ZRANB2: variants seen among roughly 807,000 people sequenced by gnomAD.
ZRANB2 encodes the protein zinc finger Ran-binding domain-containing protein 2.
ZRANB2 carries 19 observed loss-of-function variants against 53.4 expected under a neutral mutation model. The ratio of observed to expected loss-of-function variants is 0.36; its 90% CI spans 0.25 to 0.52. The LOEUF (loss-of-function observed/expected upper bound fraction) is 0.52. Among genes scored for constraint, ZRANB2 ranks in the 20% least tolerant of loss-of-function variants. The probability of loss-of-function intolerance (pLI) is 0.93; values close to 1 mark genes in which losing one functional copy is unlikely to be tolerated. For synonymous variants in ZRANB2, 145 were observed against 134.8 expected (o/e 1.08, Z -0.52); for missense variants, 309 against 401.1 (o/e 0.77, Z 1.96).
Position 71,065,130 on chromosome 1 carries a change from TG to T in ZRANB2, c.936del (p.His312GlnfsTer27). On this transcript the variant is annotated frameshift_variant, in exon 10 of 10. Coordinates refer to ENST00000370920, the MANE Select transcript of ZRANB2 (RefSeq NM_203350.3). LOFTEE classifies it high-confidence loss of function. ...RTRSRSPERR[H>X]RSSSGSSHSG... is the part of the protein sequence containing the mutation. ...GAATGGGATGATCCAGATGATGACC[TG>T]TGGCGTCTGTAAGACATAATGGAGA... 1 of 1,611,162 alleles carries T rather than the reference TG, an allele frequency of 6.2e-7. No homozygotes were observed. The highest frequency in any genetic ancestry group is 8.5e-7 in the Non-Finnish European group (1 of 1,178,042).
At chr1:71,078,586 C>T in intron 2 of ZRANB2, 21 bp from the exon 3 acceptor site, 1 of 1,611,738 alleles carries the variant, frequency 6.2e-7, no homozygotes, top group Non-Finnish European at 8.5e-7. Flanking sequence ...AAAAATCATG[C>T]AATATGAACC....
chr1:71,080,913 C>A, intron 1 of ZRANB2, 27 bp downstream of exon 1: 2 of 1,613,698 alleles, frequency 1.2e-6, no homozygotes, highest in Non-Finnish European at 1.7e-6. Flanking sequence ...AAACTCCGTC[C>A]CAATTCAGGA....
At chr1:71,069,042 G>A (rs542502008) in intron 8 of ZRANB2, among the ~76,000 whole-genome samples, 1 of 151,944 alleles carries the variant, frequency 6.6e-6, no homozygotes, top group Non-Finnish European at 1.5e-5. Context: ...AATAATAAAC[G>A]CTGCATATTG....
chr1:71,068,841 T>A (rs1006808754), intron 8 of ZRANB2, among the ~76,000 whole-genome samples: 6 of 151,858 alleles, frequency 4.0e-5, no homozygotes, highest in African/African-American at 1.2e-4. Flanking sequence ...CAGGCTGGAT[T>A]ACAGTGCTGT....
At position 71,069,555 on chromosome 1, in the gene ZRANB2, CT is replaced by C. The variant is rs1449592113; in HGVS notation, c.684-194del. ...ACAAAAGGTAATTAAAAAAATATCA[CT>C]TTCCAGGTGATTAAATTACCCTAAA... On this transcript the variant is annotated intron_variant, in intron 7 of 9. Transcript: ENST00000370920. The C allele has an allele frequency of 3.0e-5, 12 of 403,634 alleles. No homozygotes were observed. The East Asian group carries it at 4.9e-4, about 16-fold the overall frequency. 25.0% of individuals were successfully genotyped at this position (403,634 alleles called of 1,614,324 possible).
chr1:71,076,780 G>T lies in ZRANB2; in HGVS notation c.301+15C>A, dbSNP rs780414870. The T allele has an allele frequency of 2.5e-6, 4 of 1,571,788 alleles. No homozygotes were observed. The highest frequency in any genetic ancestry group is 2.7e-5 in the African/African-American group (2 of 73,640). On this transcript the variant is annotated intron_variant, in intron 4 of 9. Coordinates refer to ENST00000370920, the MANE Select transcript of ZRANB2 (RefSeq NM_203350.3). ...TTAAAAAAAATCATTTAGTTACAAT[G>T]TGGTTTTATCATACCTGTTCTTTCT...
In ZRANB2 at chr1:71,080,990, C is replaced by T; in HGVS notation, c.6G>A (p.Ser2=). Residue 2 remains serine, a synonymous_variant, in exon 1 of 10, where the codon TCG becomes TCA. Coordinates refer to ENST00000370920, the MANE Select transcript of ZRANB2 (RefSeq NM_203350.3). ...CGTCACTGACTCGGAAATTCTTGGTCGACATCTTGAACGCCACCAGCACAG... is the reference window on the plus strand; with the variant it reads ...CGTCACTGACTCGGAAATTCTTGGTTGACATCTTGAACGCCACCAGCACAG... M[S]TKNFRVSDGD... 1.2e-6 allele frequency: 2 copies of T among 1,614,114 alleles called. No individual in the cohort carries two copies. The highest frequency in any genetic ancestry group is 1.7e-6 in the Non-Finnish European group (2 of 1,180,014).
At chr1:71,065,891 A>G in intron 9 of ZRANB2, 1 of 1,275,756 alleles carries the variant, frequency 7.8e-7, no homozygotes, top group Admixed American at 2.6e-5. Flanking sequence ...AATTTTTTTT[A>G]CAAAGAAACA....
At chr1:71,076,305 A>G (rs1202139109) in intron 4 of ZRANB2, among the ~76,000 whole-genome samples, 1 of 152,320 alleles carries the variant, frequency 6.6e-6, no homozygotes, top group Non-Finnish European at 1.5e-5. Flanking sequence ...CAGATGTTGG[A>G]AACCCACCGC....
intron 9 of ZRANB2, chr1:71,065,584 A>C (rs556000132): frequency 9.5e-6 from 14 of 1,467,730 alleles, no homozygotes; most frequent in Non-Finnish European, 1.3e-5. Context: ...ATATACTCAT[A>C]AATAAGTTTT....
At chr1:71,072,598 A>C in intron 4 of ZRANB2, 50 bp from the exon 5 acceptor site, 1 of 1,400,520 alleles carries the variant, frequency 7.1e-7, no homozygotes, top group Non-Finnish European at 1.0e-6. Context: ...GATTTAAATA[A>C]TAAACACATC....
At chr1:71,071,728 G>A (rs548140439) in intron 6 of ZRANB2, among the ~76,000 whole-genome samples, 1 of 152,148 alleles carries the variant, frequency 6.6e-6, no homozygotes, top group African/African-American at 2.4e-5. Context: ...TCTCACCTCG[G>A]CTCTTATTGC....
intron 9 of ZRANB2, chr1:71,066,526 T>C (rs1384284997): frequency 1.5e-5 from 5 of 336,712 alleles, no homozygotes; most frequent in Admixed American, 4.9e-5. Context: ...GAGAGTTGGC[T>C]ATAAAAATTA....
Position 71,066,742 on chromosome 1 carries a change from G to A in ZRANB2, c.929+34C>T, listed in dbSNP as rs770159167. On this transcript the variant is annotated intron_variant, in intron 9 of 9. Transcript: ENST00000370920. ...TACTTTATCTATTAAACACACTTAA[G>A]AACACCCATTCTTATTTCTACAGAA... 43 of 1,603,054 alleles carry A rather than the reference G, an allele frequency of 2.7e-5. No homozygotes were observed. The African/African-American group carries it at 4.3e-4, about 16-fold the overall frequency.
At position 71,078,684 on chromosome 1, in the gene ZRANB2, T is replaced by A; in HGVS notation, c.81A>T (p.Arg27Ser). Reference sequence around the variant, plus strand: ...GACCACATCGATTACAGCTGGTTCTTCTAGCAAAGTTTACATTTCCACATC... The same window carrying A: ...GACCACATCGATTACAGCTGGTTCTACTAGCAAAGTTTACATTTCCACATC... ...DKKCGNVNFA[R>S]RTSCNRCGRE... The change falls in exon 2 of 10, where the codon AGA (arginine) becomes AGT (serine). Residue 27 changes from arginine (R) to serine (S), a missense_variant. Around this residue, in one of 3 missense-constraint regions of ZRANB2, gnomAD observed 74 missense variants for 180.1 expected, o/e 0.41. Coordinates refer to ENST00000370920, the MANE Select transcript of ZRANB2 (RefSeq NM_203350.3). 1 of 1,613,232 alleles carries A rather than the reference T, an allele frequency of 6.2e-7. No homozygotes were observed. The highest frequency in any genetic ancestry group is 8.5e-7 in the Non-Finnish European group (1 of 1,179,436).
chr1:71,065,137 T>C lies in ZRANB2; in HGVS notation c.930A>G (p.Arg310=), dbSNP rs372571673. ...KRRTRSRSPE[R]RHRSSSGSSH... is the part of the protein sequence containing the mutation. ...ATGATCCAGATGATGACCTGTGGCG[T>C]CTGTAAGACATAATGGAGAGAGTAG... The change falls in exon 10 of 10, where the codon AGA becomes AGG. Residue 310 remains arginine, a splice_region_variant and synonymous_variant. Coordinates refer to ENST00000370920, the MANE Select transcript of ZRANB2 (RefSeq NM_203350.3). The C allele has an allele frequency of 6.2e-7, 1 of 1,610,456 alleles. No individual in the cohort carries two copies. Among genetic ancestry groups the C allele is most frequent in the Non-Finnish European group, 8.5e-7 (1 of 1,177,648 alleles).
chr1:71,080,806 C>A, intron 1 of ZRANB2, 134 bp downstream of exon 1: 1 of 1,009,686 alleles, frequency 9.9e-7, no homozygotes, highest in South Asian at 1.4e-5. Context: ...CTTCTTCCCG[C>A]CAGGGAACTG....
intron 1 of ZRANB2, among the ~76,000 whole-genome samples, chr1:71,080,501 G>C (rs1364350068): frequency 1.3e-5 from 2 of 152,118 alleles, no homozygotes; most frequent in African/African-American, 4.8e-5. Flanking sequence ...AAAACAAGGT[G>C]AACTATAAGA....
chr1:71,076,983 A>C, intron 3 of ZRANB2, 106 bp from the exon 4 acceptor site: 1 of 829,008 alleles, frequency 1.2e-6, no homozygotes, highest in Non-Finnish European at 1.9e-6. Context: ...AACCACTGTC[A>C]AAGAAATGTT....
Sources: allele counts gnomAD v4.1 joint callset (sites outside exome capture counted in the v4.1 genomes callset), GRCh38; gene constraint gnomAD v4.1.1; regional missense constraint gnomAD v4.1.1; transcripts MANE v1.5; gene names NCBI Gene and HGNC (gene_info 2026-07-23, HGNC 2026-07-21).